HSD17B11: variants seen among roughly 807,000 people sequenced by gnomAD.
The protein encoded by HSD17B11 is estradiol 17-beta-dehydrogenase 11.
HSD17B11 carries 22 observed loss-of-function variants against 27.8 expected under a neutral mutation model. That is an observed-to-expected ratio of 0.79 (90% CI 0.56 to 1.13). HSD17B11 has a LOEUF of 1.13. HSD17B11 is among the 50% of genes most tolerant of loss of function. The probability of loss-of-function intolerance (pLI) is 0.00; values close to 1 mark genes in which losing one functional copy is unlikely to be tolerated. For synonymous variants in HSD17B11, 117 were observed against 132.8 expected (o/e 0.88, Z 0.82); for missense variants, 314 against 351.1 (o/e 0.89, Z 0.84).
intron 6 of HSD17B11, among the ~76,000 whole-genome samples, chr4:87,339,329 CT>C (rs1448821277): frequency 6.6e-6 from 1 of 152,238 alleles, no homozygotes; most frequent in East Asian, 1.9e-4. Flanking sequence ...GCAAGAAAGC[CT>C]AACATATGTC....
At chr4:87,368,869 G>A (rs573483890) in intron 4 of HSD17B11, among the ~76,000 whole-genome samples, 116 of 152,316 alleles carry the variant, frequency 7.6e-4, no homozygotes, top group Admixed American at 2.1e-3. Context: ...AAAAGGGGAG[G>A]CATGAATAAC....
intron 4 of HSD17B11, among the ~76,000 whole-genome samples, chr4:87,360,869 A>T (rs6853049): frequency 6.6e-6 from 1 of 151,982 alleles, no homozygotes; most frequent in African/African-American, 2.4e-5. Flanking sequence ...TATCCCACGC[A>T]GAAATAGAAA....
At chr4:87,364,701 C>G (rs901317106) in intron 4 of HSD17B11, among the ~76,000 whole-genome samples, 1 of 152,188 alleles carries the variant, frequency 6.6e-6, no homozygotes, top group East Asian at 1.9e-4. Context: ...TGTCTTCTCC[C>G]GTAGTATTTC....
At chr4:87,344,224 CACAT>C (rs1173323254) in intron 5 of HSD17B11, among the ~76,000 whole-genome samples, 3 of 152,142 alleles carry the variant, frequency 2.0e-5, no homozygotes, top group African/African-American at 4.8e-5. Context: ...CTGTGACACA[CACAT>C]ACAAACTCCT....
intron 2 of HSD17B11, among the ~76,000 whole-genome samples, chr4:87,381,675 C>A (rs1319669711): frequency 6.7e-6 from 1 of 150,134 alleles, no homozygotes; most frequent in African/African-American, 2.5e-5. Flanking sequence ...GGGAGGATTG[C>A]TTGATTCTGG....
At chr4:87,337,760 GC>G (rs1735079301) in intron 6 of HSD17B11, among the ~76,000 whole-genome samples, 1 of 152,236 alleles carries the variant, frequency 6.6e-6, no homozygotes, top group Non-Finnish European at 1.5e-5. Context: ...CTAAGAGACT[GC>G]GGAAGTAGAA....
chr4:87,372,908 C>G (rs972787018), intron 3 of HSD17B11, 93 bp from the exon 4 acceptor site: 3 of 755,110 alleles, frequency 4.0e-6, no homozygotes, highest in Non-Finnish European at 6.6e-6. Context: ...TATTTTTTAA[C>G]ATTAATCCTG....
chr4:87,374,845 A>G lies in HSD17B11; in HGVS notation c.319-15T>C. 2 of 1,545,424 alleles carry G rather than the reference A, an allele frequency of 1.3e-6. No homozygotes were observed. Among genetic ancestry groups the G allele is most frequent in the Non-Finnish European group, 1.8e-6 (2 of 1,140,544 alleles). On this transcript the variant is annotated splice_polypyrimidine_tract_variant and intron_variant, in intron 2 of 6. Transcript: ENST00000358290. ...TCTGCCTTCACCTTCAAAAAATAAA[A>G]TAAGAAAAGTAAATTCATTAAGAGG...
At chr4:87,365,940 T>A (rs1226791316) in intron 4 of HSD17B11, 1 of 152,126 alleles carries the variant, frequency 6.6e-6, no homozygotes, top group Non-Finnish European at 1.5e-5. Context: ...CACCGCAACC[T>A]CTGCTTCCCG....
intron 3 of HSD17B11, chr4:87,374,251 A>T (rs1433998588): frequency 6.5e-6 from 1 of 153,978 alleles, no homozygotes; most frequent in African/African-American, 2.4e-5. Context: ...GAGCCTGGGA[A>T]GTTGGGGCTG....
chr4:87,357,345 C>T lies in HSD17B11; in HGVS notation c.629G>A (p.Gly210Glu). The change falls in exon 5 of 7, where the codon GGA becomes GAA. Residue 210 changes from glycine to glutamate, a missense_variant. By Grantham distance (98) the Gly-to-Glu change is moderately conservative (BLOSUM62 -2). Transcript: ENST00000358290. The part of the protein sequence containing the change: ...TDELAALQIT[G>E]VKTTCLCPNF... ...AGGACACAGACATGTTGTTTTGACT[C>T]CAGTTATTTGTAAGGCAGCCAGTTC... 1 of 1,613,422 alleles carries T rather than the reference C, an allele frequency of 6.2e-7. No homozygotes were observed. Among genetic ancestry groups the T allele is most frequent in the South Asian group, 1.1e-5 (1 of 90,870 alleles).
At chr4:87,362,075 G>T (rs556314714) in intron 4 of HSD17B11, among the ~76,000 whole-genome samples, 1 of 152,192 alleles carries the variant, frequency 6.6e-6, no homozygotes, top group Non-Finnish European at 1.5e-5. Context: ...CCTACACCTG[G>T]GTAAAGAATG....
chr4:87,344,084 G>T (rs1735222630), intron 5 of HSD17B11, among the ~76,000 whole-genome samples: 1 of 152,072 alleles, frequency 6.6e-6, no homozygotes, highest in African/African-American at 2.4e-5. Context: ...GCACTCCACT[G>T]GGAATATGAC....
chr4:87,342,873 A>G (rs918452976), intron 5 of HSD17B11, among the ~76,000 whole-genome samples: 1 of 152,214 alleles, frequency 6.6e-6, no homozygotes, highest in Non-Finnish European at 1.5e-5. Flanking sequence ...AATGGAAGCA[A>G]AAAATCAAAG....
intron 4 of HSD17B11, among the ~76,000 whole-genome samples, chr4:87,370,388 T>C (rs967974743): frequency 4.6e-5 from 7 of 152,142 alleles, no homozygotes; most frequent in African/African-American, 7.2e-5. Flanking sequence ...TTAAATCTTA[T>C]AGCATTCTAA....
At chr4:87,342,608 G>GA (rs199822260) in intron 5 of HSD17B11, among the ~76,000 whole-genome samples, 2 of 151,804 alleles carry the variant, frequency 1.3e-5, no homozygotes, top group Admixed American at 6.6e-5. Context: ...AATTCATTCA[G>GA]AAAAAAAATA....
chr4:87,358,566 A>C (rs940612652), intron 4 of HSD17B11, among the ~76,000 whole-genome samples: 1 of 152,200 alleles, frequency 6.6e-6, no homozygotes, highest in Non-Finnish European at 1.5e-5. Flanking sequence ...TACACAATTA[A>C]ATGGTTTTTG....
At chr4:87,352,656 G>C (rs11097139) in intron 5 of HSD17B11, among the ~76,000 whole-genome samples, 5 of 56 alleles carry the variant, frequency 0.089, 1 homozygote, top group Non-Finnish European at 0.22. Flanking sequence ...CACCCAGTTC[G>C]AGCTTCCCGG....
intron 2 of HSD17B11, 73 bp downstream of exon 2, chr4:87,382,181 GT>G (rs1289901391): frequency 9.3e-7 from 1 of 1,078,620 alleles, no homozygotes; most frequent in African/African-American, 1.5e-5. Context: ...TCTATATCAT[GT>G]ACAGACTGGG....
Sources: gnomAD v4.1 joint callset for allele counts (sites outside exome capture counted in the v4.1 genomes callset) on GRCh38, gnomAD v4.1.1 for gene constraint, MANE v1.5 for transcripts, NCBI Gene and HGNC (gene_info 2026-07-23, HGNC 2026-07-21) for gene names.